RIN3: variants seen among roughly 807,000 people sequenced by gnomAD.
The protein encoded by RIN3 is Ras and Rab interactor 3.
RIN3 carries 54 observed loss-of-function variants against 76.3 expected under a neutral mutation model. The ratio of observed to expected loss-of-function variants is 0.71; its 90% CI spans 0.57 to 0.89. The LOEUF (loss-of-function observed/expected upper bound fraction) is 0.89, where lower values mean the gene tolerates loss of function less well. Among genes scored for constraint, RIN3 ranks in the 40% least tolerant of loss-of-function variants. The probability of loss-of-function intolerance (pLI) is 0.00; values close to 1 mark genes in which losing one functional copy is unlikely to be tolerated. For missense variants in RIN3, 1,256 were observed against 1,322.1 expected (o/e 0.95, Z 0.78); for synonymous variants, 576 against 564.0 (o/e 1.02, Z -0.30).
intron 3 of RIN3, among the ~76,000 whole-genome samples, chr14:92,604,303 C>T (rs979511178): frequency 2.0e-5 from 3 of 152,234 alleles, no homozygotes; most frequent in East Asian, 1.9e-4. Flanking sequence ...TCAGGGTCTG[C>T]GCCCCTGGCC....
intron 7 of RIN3, among the ~76,000 whole-genome samples, chr14:92,673,798 G>C (rs528945467): frequency 6.6e-6 from 1 of 152,170 alleles, no homozygotes; most frequent in African/African-American, 2.4e-5. Context: ...GAGCCACCGC[G>C]CCCGGCCGCC....
At chr14:92,563,670 C>A (rs1169034326) in intron 2 of RIN3, among the ~76,000 whole-genome samples, 1 of 152,152 alleles carries the variant, frequency 6.6e-6, no homozygotes, top group Non-Finnish European at 1.5e-5. Flanking sequence ...AGAAGTGCTT[C>A]TCTTTTTCTT....
At chr14:92,576,312 GA>G in intron 2 of RIN3, 1 of 1,289,828 alleles carries the variant, frequency 7.8e-7, no homozygotes, top group Non-Finnish European at 1.0e-6. Flanking sequence ...CACTGGAGCA[GA>G]ACCATTGCTT....
chr14:92,627,748 C>A (rs532477077), intron 4 of RIN3, among the ~76,000 whole-genome samples: 175 of 152,340 alleles, frequency 1.1e-3, no homozygotes, highest in Non-Finnish European at 2.2e-3. Flanking sequence ...GTCACGTCTC[C>A]CCCTGGGAGA....
chr14:92,621,612 T>C (rs1211736236), intron 4 of RIN3, among the ~76,000 whole-genome samples: 1 of 152,250 alleles, frequency 6.6e-6, no homozygotes, highest in Non-Finnish European at 1.5e-5. Context: ...GATTGAGTTT[T>C]TGTCTAAGGA....
At chr14:92,535,598 T>G (rs573776576) in intron 1 of RIN3, among the ~76,000 whole-genome samples, 2 of 152,124 alleles carry the variant, frequency 1.3e-5, no homozygotes, top group African/African-American at 4.8e-5. Context: ...AGACATTCTT[T>G]ACTTTCTTCT....
chr14:92,579,683 T>C (rs1898374445), intron 3 of RIN3, among the ~76,000 whole-genome samples: 1 of 152,246 alleles, frequency 6.6e-6, no homozygotes, highest in East Asian at 1.9e-4. Context: ...TCTCAAGTGT[T>C]TGTTTCTCAA....
intron 1 of RIN3, among the ~76,000 whole-genome samples, chr14:92,527,692 C>T (rs58035938): frequency 0.075 from 11,375 of 152,090 alleles, 1,428 homozygotes; most frequent in African/African-American, 0.26. Context: ...CGCAGACCCC[C>T]GCGTTTCTGC....
At chr14:92,642,286 A>G (rs1035669122) in intron 5 of RIN3, among the ~76,000 whole-genome samples, 1 of 151,800 alleles carries the variant, frequency 6.6e-6, no homozygotes, top group African/African-American at 2.4e-5. Context: ...ATATTTTAAC[A>G]TGGTCTCTCC....
intron 1 of RIN3, among the ~76,000 whole-genome samples, chr14:92,523,859 G>C (rs184333430): frequency 7.2e-4 from 110 of 152,208 alleles, no homozygotes; most frequent in Non-Finnish European, 1.2e-3. Flanking sequence ...GTGTTCTCCA[G>C]CTCCTCCTGA....
At chr14:92,629,391 G>A (rs1886479521) in intron 4 of RIN3, among the ~76,000 whole-genome samples, 1 of 152,230 alleles carries the variant, frequency 6.6e-6, no homozygotes, top group Non-Finnish European at 1.5e-5. Context: ...TCCACAGTGT[G>A]GGAGCAGGCC....
chr14:92,600,494 A>G (rs1209593074), intron 3 of RIN3, among the ~76,000 whole-genome samples: 3 of 152,220 alleles, frequency 2.0e-5, no homozygotes, highest in Admixed American at 6.5e-5. Context: ...AGTTGCACTG[A>G]GACTGATCCC....
chr14:92,518,789 C>CTGTGTGTGTGTGTGTGTGTG lies in RIN3; in HGVS notation c.44+4831_44+4850dup, dbSNP rs61124300. On this transcript the variant is annotated intron_variant, in intron 1 of 9. Transcript: ENST00000216487. ...GAGAAACTGGGAAAATAAGGGTGGCCTGTGTGTGTGTGTGTGTGTGTGTGT... is the reference window on the plus strand; with the variant it reads ...GAGAAACTGGGAAAATAAGGGTGGCCTGTGTGTGTGTGTGTGTGTGTGTGTGTGTGTGTGTGTGTGTGTGT... Among the ~76,000 whole-genome samples, 830 of 128,400 alleles carry CTGTGTGTGTGTGTGTGTGTG rather than the reference C, an allele frequency of 6.5e-3. 12 individuals are homozygous for CTGTGTGTGTGTGTGTGTGTG. The highest frequency in any genetic ancestry group is 0.018 in the East Asian group (78 of 4,292). The allele number at this position is 128,400 out of a possible 152,430, so 84.2% of individuals were successfully genotyped here.
At chr14:92,583,635 G>A (rs1340931397) in intron 3 of RIN3, among the ~76,000 whole-genome samples, 1 of 152,198 alleles carries the variant, frequency 6.6e-6, no homozygotes, top group East Asian at 1.9e-4. Flanking sequence ...TGTGTATATA[G>A]CATTTACATT....
chr14:92,635,281 C>A (rs1566878591), intron 4 of RIN3, among the ~76,000 whole-genome samples: 1 of 152,198 alleles, frequency 6.6e-6, no homozygotes, highest in African/African-American at 2.4e-5. Context: ...CAGGCTCCAC[C>A]TTTGTCACAG....
Position 92,664,348 on chromosome 14 carries a change from TTTTC to T in RIN3, c.2335+4895_2335+4898del, listed in dbSNP as rs1167000441. ...ACATTCAACCCCCTCCGCTTCATCA[TTTTC>T]TTTCTTTCTTTCTTTTTTTTTTTTT... On this transcript the variant is annotated intron_variant, in intron 7 of 9. Coordinates refer to ENST00000216487, the MANE Select transcript of RIN3 (RefSeq NM_024832.5). Among the ~76,000 whole-genome samples, 1,140 of 140,652 alleles carry T rather than the reference TTTTC, an allele frequency of 8.1e-3. 105 individuals carry two copies. Among genetic ancestry groups the T allele is most frequent in the East Asian group, 0.019 (90 of 4,698 alleles). 92.3% of individuals were successfully genotyped at this position (140,652 alleles called of 152,430 possible).
intron 7 of RIN3, among the ~76,000 whole-genome samples, chr14:92,666,135 G>T (rs1888092109): frequency 6.6e-6 from 1 of 151,656 alleles, no homozygotes; most frequent in African/African-American, 2.4e-5. Flanking sequence ...GCCTAGCCCT[G>T]CCTCTAGTCT....
At chr14:92,684,654 C>CCCCA (rs1214458345) in intron 8 of RIN3, among the ~76,000 whole-genome samples, 1 of 152,128 alleles carries the variant, frequency 6.6e-6, no homozygotes, top group Non-Finnish European at 1.5e-5. Context: ...CCACCCCTTT[C>CCCCA]CCCACACTGA....
rs199852716 is a variant in RIN3 at position 92,547,356 on chromosome 14, T to A, written c.45-8395T>A. Among the ~76,000 whole-genome samples the A allele has an allele frequency of 7.2e-3, 64 of 8,854 alleles. 6 individuals are homozygous for A. The highest frequency in any genetic ancestry group is 0.031 in the East Asian group (9 of 292). 5.8% of individuals were successfully genotyped at this position (8,854 alleles called of 152,430 possible). ...TTATAAAATAAATTATCTTTATTAT[T>A]ATAAAATAAATTATCTTTATTTTAT... On this transcript the variant is annotated intron_variant, in intron 1 of 9. Coordinates refer to ENST00000216487, the MANE Select transcript of RIN3 (RefSeq NM_024832.5).
Sources: gnomAD v4.1 joint callset for allele counts (sites outside exome capture counted in the v4.1 genomes callset) on GRCh38, gnomAD v4.1.1 for gene constraint, MANE v1.5 for transcripts, NCBI Gene and HGNC (gene_info 2026-07-23, HGNC 2026-07-21) for gene names.